Variants in MAST4 observed in about 807,000 individuals in gnomAD.
The protein encoded by MAST4 is microtubule associated serine/threonine kinase family member 4.
A neutral mutation model predicts 162.7 loss-of-function variants in MAST4; 89 were observed. The observed-to-expected ratio is 0.55, with a 90% CI of 0.46 to 0.65. The LOEUF (loss-of-function observed/expected upper bound fraction) is 0.65. MAST4 is among the 30% of genes least tolerant of loss of function. The pLI is 0.00. For missense variants in MAST4, 3,153 were observed against 3,374.0 expected, an observed-to-expected ratio of 0.93 and a Z score of 1.62; for synonymous variants, 1,479 against 1,361.1, an observed-to-expected ratio of 1.09 and a Z score of -1.91.
intron 1 of MAST4, among the ~76,000 whole-genome samples, chr5:66,730,298 CT>C (rs34500395): frequency 6.6e-6 from 1 of 152,114 alleles, no homozygotes; most frequent in African/African-American, 2.4e-5. Context: ...AAAACATCCT[CT>C]TTTTTTAGAG....
chr5:67,045,104 G>A (rs1243286533), intron 4 of MAST4, among the ~76,000 whole-genome samples: 2 of 152,178 alleles, frequency 1.3e-5, no homozygotes, highest in Non-Finnish European at 2.9e-5. Flanking sequence ...TAAACTTCTT[G>A]AAGGCAGGGA....
chr5:66,773,866 T>C (rs529876172), intron 2 of MAST4, among the ~76,000 whole-genome samples: 13 of 152,118 alleles, frequency 8.5e-5, no homozygotes, highest in Middle Eastern at 3.4e-3. Context: ...CGGCACAAAC[T>C]AAGATAAACT....
chr5:66,732,032 G>A (rs1352847443), intron 1 of MAST4, among the ~76,000 whole-genome samples: 1 of 151,886 alleles, frequency 6.6e-6, no homozygotes, highest in Admixed American at 6.6e-5. Flanking sequence ...GTCCCACGCA[G>A]GCCCTTTTGT....
intron 4 of MAST4, among the ~76,000 whole-genome samples, chr5:67,032,317 G>C (rs1755440103): frequency 6.6e-6 from 1 of 152,116 alleles, no homozygotes; most frequent in Non-Finnish European, 1.5e-5. Flanking sequence ...ATTTAAGAAA[G>C]GTTGGGTTTT....
intron 28 of MAST4, 33 bp downstream of exon 28, chr5:67,162,821 G>A (rs769107175): frequency 6.3e-7 from 1 of 1,597,004 alleles, no homozygotes; most frequent in South Asian, 1.1e-5. Flanking sequence ...ACAGCAGAGG[G>A]GAGGGGAGGT....
chr5:66,757,501 C>T (rs1753612013), intron 1 of MAST4, among the ~76,000 whole-genome samples: 1 of 152,164 alleles, frequency 6.6e-6, no homozygotes, highest in African/African-American at 2.4e-5. Context: ...TCTTATGTTA[C>T]ATTTTTCCTG....
chr5:67,059,668 G>A (rs1247604419), intron 5 of MAST4, among the ~76,000 whole-genome samples: 1 of 152,158 alleles, frequency 6.6e-6, no homozygotes, highest in African/African-American at 2.4e-5. Context: ...GTTTTACTAT[G>A]AATTTGCAGG....
At chr5:67,047,920 TGGA>T (rs1052298762) in intron 4 of MAST4, among the ~76,000 whole-genome samples, 4 of 152,042 alleles carry the variant, frequency 2.6e-5, no homozygotes, top group African/African-American at 9.7e-5. Context: ...GAAAAAGTGG[TGGA>T]GATGTAGACT....
intron 4 of MAST4, chr5:67,001,861 A>T (rs1183634208): frequency 6.6e-6 from 1 of 151,892 alleles, no homozygotes; most frequent in Non-Finnish European, 1.5e-5. Flanking sequence ...GGATCCAAAC[A>T]CTCTTTCACA....
At chr5:67,114,325 C>G in intron 12 of MAST4, 106 bp downstream of exon 12, 3 of 1,361,860 alleles carry the variant, frequency 2.2e-6, no homozygotes, top group South Asian at 1.4e-5. Flanking sequence ...TTGGCTCTAT[C>G]TATTGATAAG....
intron 10 of MAST4, among the ~76,000 whole-genome samples, chr5:67,107,274 C>T (rs926118919): frequency 2.6e-5 from 4 of 152,180 alleles, no homozygotes; most frequent in African/African-American, 9.6e-5. Context: ...CTGTGACAGA[C>T]ACTGCAGATT....
At chr5:66,915,519 A>G (rs1764054928) in intron 4 of MAST4, among the ~76,000 whole-genome samples, 1 of 152,328 alleles carries the variant, frequency 6.6e-6, no homozygotes, top group East Asian at 1.9e-4. Flanking sequence ...AAATTTTAGC[A>G]TTTGAACTAG....
rs182163717 is a variant in MAST4 at position 66,841,127 on chromosome 5, G to A, written c.642+52333G>A. Among the ~76,000 whole-genome samples the A allele has an allele frequency of 1.8e-3, 277 of 152,222 alleles. 2 individuals carry two copies. Among genetic ancestry groups the A allele is most frequent in the African/African-American group, 6.4e-3 (266 of 41,528 alleles). The stretch of plus-strand genomic sequence containing the variant: ...AATGTGGTAAAACTAAATAAGATGT[G>A]TGCATGTAAATTACTTAAAGCAGTG... On this transcript the variant is annotated intron_variant, in intron 3 of 28. Transcript: ENST00000403625.
chr5:66,925,977 A>G (rs1459913833), intron 4 of MAST4, among the ~76,000 whole-genome samples: 1 of 152,054 alleles, frequency 6.6e-6, no homozygotes, highest in Non-Finnish European at 1.5e-5. Context: ...TTTTATGAGA[A>G]CAGATGAGTG....
Position 66,958,489 on chromosome 5 carries a change from G to T in MAST4, c.674+58507G>T, listed in dbSNP as rs1229351392. ...GCTTTTGTAAAGTATACAGCACTGC[G>T]ATCTTAAAAATGAGCTTTTCGAAAA... On this transcript the variant is annotated intron_variant, in intron 4 of 28. Coordinates refer to ENST00000403625, the MANE Select transcript of MAST4 (RefSeq NM_001164664.2). Among the ~76,000 whole-genome samples the T allele has an allele frequency of 5.9e-5, 9 of 152,068 alleles. 1 individual carries two copies. Among genetic ancestry groups the T allele is most frequent in the Admixed American group, 5.9e-4 (9 of 15,258 alleles).
intron 1 of MAST4, among the ~76,000 whole-genome samples, chr5:66,739,283 C>T (rs886176312): frequency 1.3e-5 from 2 of 152,000 alleles, no homozygotes; most frequent in African/African-American, 4.8e-5. Flanking sequence ...TAGAGGACAC[C>T]CAGTTGTTTA....
chr5:66,978,436 A>C (rs1162632489), intron 4 of MAST4, among the ~76,000 whole-genome samples: 1 of 152,236 alleles, frequency 6.6e-6, no homozygotes, highest in Non-Finnish European at 1.5e-5. Flanking sequence ...AGGTTGCTGT[A>C]CTAATGCTGT....
At chr5:66,930,140 C>G (rs941806534) in intron 4 of MAST4, among the ~76,000 whole-genome samples, 1 of 152,142 alleles carries the variant, frequency 6.6e-6, no homozygotes, top group Non-Finnish European at 1.5e-5. Flanking sequence ...GTATCTTTTC[C>G]CCAAAGCATC....
At chr5:66,816,147 G>T (rs994989627) in intron 3 of MAST4, among the ~76,000 whole-genome samples, 4 of 152,070 alleles carry the variant, frequency 2.6e-5, no homozygotes, top group African/African-American at 9.7e-5. Context: ...TGTCTAACCC[G>T]CAGCCCAGGA....
Sources: allele counts gnomAD v4.1 joint callset (sites outside exome capture counted in the v4.1 genomes callset), GRCh38; gene constraint gnomAD v4.1.1; transcripts MANE v1.5; gene names NCBI Gene and HGNC (gene_info 2026-07-23, HGNC 2026-07-21).